The following TENM2 variants were observed in gnomAD, a reference collection of about 807,000 sequenced individuals.
TENM2 encodes the protein teneurin-2.
Under a neutral mutation model 245.2 loss-of-function variants are expected in TENM2, and 52 were observed. The ratio of observed to expected loss-of-function variants is 0.21; its 90% CI spans 0.17 to 0.27. TENM2 has a LOEUF of 0.27. Ranked by LOEUF, TENM2 falls within the 10% of genes least tolerant of loss-of-function variation. The pLI, the probability that TENM2 is intolerant of heterozygous loss-of-function variation, is 1.00. For missense variants in TENM2, 3,046 were observed against 3,666.8 expected (o/e 0.83, Z 4.37); for synonymous variants, 1,363 against 1,438.9 (o/e 0.95, Z 1.19).
chr5:167,025,785 A>G, the TENM2 span, among the ~76,000 whole-genome samples: 4 of 152,224 alleles, frequency 2.6e-5, no homozygotes, highest in Non-Finnish European at 5.9e-5. Flanking sequence ...CCACATTACC[A>G]TTAGAATGAA....
At chr5:167,139,467 A>T in the TENM2 span, among the ~76,000 whole-genome samples, 1 of 152,250 alleles carries the variant, frequency 6.6e-6, no homozygotes, top group Admixed American at 6.5e-5. Context: ...CCAAATGTCA[A>T]AAAGAATTTA....
At position 168,247,893 on chromosome 5, in the gene TENM2, C is replaced by T. The variant is rs758454352; in HGVS notation, c.6954C>T (p.His2318=). Residue 2318 remains histidine (H), a synonymous_variant, in exon 27 of 29, where the codon CAC becomes CAT. Transcript: ENST00000518659. This position sits in a 1 kb window ranked among gnomAD's most constrained non-coding sequence, Gnocchi z 7.8. ...CCTACAAGACCAACCTGGGCCACCA[C>T]CTGCAGTACTTCTACTCTGACCTCC... is the stretch of plus-strand genomic sequence containing the variant. 1 of 1,613,962 alleles carries T rather than the reference C, an allele frequency of 6.2e-7. No individual in the cohort carries two copies. Among genetic ancestry groups the T allele is most frequent in the Non-Finnish European group, 8.5e-7 (1 of 1,179,892 alleles).
At chr5:167,083,179 G>T in the TENM2 span, among the ~76,000 whole-genome samples, 8 of 152,166 alleles carry the variant, frequency 5.3e-5, no homozygotes, top group African/African-American at 1.7e-4. Flanking sequence ...GTCCGTTGAT[G>T]CTTCTTGGGG....
chr5:167,217,030 T>C, the TENM2 span, among the ~76,000 whole-genome samples: 45 of 152,346 alleles, frequency 3.0e-4, no homozygotes, highest in Non-Finnish European at 4.7e-4. Flanking sequence ...CATTTTCTAA[T>C]AAATTATTGA....
At chr5:167,000,472 A>T in the TENM2 span, among the ~76,000 whole-genome samples, 1 of 152,144 alleles carries the variant, frequency 6.6e-6, no homozygotes, top group Non-Finnish European at 1.5e-5. Flanking sequence ...TGCAAAACTG[A>T]CCTCTAACTA....
chr5:167,526,072 A>G (rs1459365779), intron 2 of TENM2, among the ~76,000 whole-genome samples: 1 of 152,030 alleles, frequency 6.6e-6, no homozygotes, highest in Non-Finnish European at 1.5e-5. Context: ...ACAAAAGAAG[A>G]AAGACCTGCC....
chr5:167,338,418 A>G (rs1757904469), intron 1 of TENM2, among the ~76,000 whole-genome samples: 1 of 152,188 alleles, frequency 6.6e-6, no homozygotes, highest in Non-Finnish European at 1.5e-5. Context: ...CCTTGCTCCG[A>G]CATACAGCCT....
chr5:167,548,497 A>G lies in TENM2; in HGVS notation c.502+173024A>G, dbSNP rs543833220. Among the ~76,000 whole-genome samples, 25 of 152,214 alleles carry G rather than the reference A, an allele frequency of 1.6e-4. No homozygotes were observed. The South Asian group carries it at 4.4e-3, about 27-fold the overall frequency. ...ACAGTGGCAATGTTTGTAAAGCACA[A>G]TGAAATCACCTGGGGACAGTGTTCT... On this transcript the variant is annotated intron_variant, in intron 2 of 28. Transcript: ENST00000518659.
the TENM2 span, among the ~76,000 whole-genome samples, chr5:167,137,790 C>A: frequency 6.6e-6 from 1 of 152,098 alleles, no homozygotes; most frequent in East Asian, 1.9e-4. Context: ...GAACTGTGAT[C>A]ATTTAGGCTA....
intron 25 of TENM2, among the ~76,000 whole-genome samples, chr5:168,230,222 A>T (rs969278346): frequency 7.2e-5 from 11 of 152,246 alleles, no homozygotes; most frequent in African/African-American, 2.7e-4. Context: ...CAACACCTCA[A>T]CATTTAATTG....
intron 1 of TENM2, among the ~76,000 whole-genome samples, chr5:167,357,589 A>C (rs958894149): frequency 6.6e-6 from 1 of 152,152 alleles, no homozygotes; most frequent in Non-Finnish European, 1.5e-5. Context: ...CAGTGTTTCC[A>C]CATTGCATTT....
intron 2 of TENM2, among the ~76,000 whole-genome samples, chr5:167,531,842 C>T (rs1026330867): frequency 1.3e-5 from 2 of 152,096 alleles, no homozygotes; most frequent in Admixed American, 6.6e-5. Flanking sequence ...CTGCAATGGG[C>T]GTTAGGACTC....
At chr5:168,115,398 AAGG>A (rs59625958) in intron 9 of TENM2, among the ~76,000 whole-genome samples, 4,252 of 118,934 alleles carry the variant, frequency 0.036, 278 homozygotes, top group African/African-American at 0.078. Flanking sequence ...GGAAGGAAGG[AAGG>A]AAGGAAGGGA....
intron 8 of TENM2, 22 bp downstream of exon 10, chr5:168,090,791 TG>T: frequency 6.3e-7 from 1 of 1,592,446 alleles, no homozygotes. Flanking sequence ...GTCTCTGAGA[TG>T]GTACGCCATG....
At chr5:167,382,191 G>A (rs1018101939) in intron 2 of TENM2, among the ~76,000 whole-genome samples, 1 of 152,170 alleles carries the variant, frequency 6.6e-6, no homozygotes, top group Non-Finnish European at 1.5e-5. Flanking sequence ...GCTGATTGAA[G>A]AAAACCCCAG....
At chr5:168,186,605 T>C (rs1760458592) in intron 13 of TENM2, 1 of 152,112 alleles carries the variant, frequency 6.6e-6, no homozygotes, top group South Asian at 2.1e-4. Flanking sequence ...TGGGCCCTTT[T>C]TGAGGACTCT....
At chr5:167,096,942 T>G in the TENM2 span, among the ~76,000 whole-genome samples, 132 of 152,284 alleles carry the variant, frequency 8.7e-4, 1 homozygote, top group Non-Finnish European at 1.6e-3. Context: ...GTTTTTCTCT[T>G]TATCTTGCAC....
At chr5:167,381,919 G>C (rs757780018) in intron 2 of TENM2, among the ~76,000 whole-genome samples, 2 of 152,086 alleles carry the variant, frequency 1.3e-5, no homozygotes, top group African/African-American at 4.8e-5. Flanking sequence ...AGATTTAAAT[G>C]CTTCAGATAA....
chr5:167,402,813 A>G (rs778251004), intron 2 of TENM2, among the ~76,000 whole-genome samples: 2 of 152,166 alleles, frequency 1.3e-5, no homozygotes, highest in Non-Finnish European at 2.9e-5. Context: ...AAGAGACTTC[A>G]GAGCCAGCAG....
Sources: gnomAD v4.1 joint callset for allele counts (sites outside exome capture counted in the v4.1 genomes callset) on GRCh38, gnomAD v4.1.1 for gene constraint, Gnocchi (gnomAD v3.1) non-coding constraint, MANE v1.5 for transcripts, NCBI Gene and HGNC (gene_info 2026-07-23, HGNC 2026-07-21) for gene names.